The following PPP2R2C variants were observed in gnomAD, a reference collection of about 807,000 sequenced individuals.
The protein encoded by PPP2R2C is protein phosphatase 2, regulatory subunit B, gamma.
Under a neutral mutation model 45.3 loss-of-function variants are expected in PPP2R2C, and 10 were observed. That is an observed-to-expected ratio of 0.22 (90% confidence interval 0.14 to 0.37). The LOEUF (loss-of-function observed/expected upper bound fraction) is 0.37. Ranked by LOEUF, PPP2R2C falls within the 10% of genes least tolerant of loss-of-function variation. The probability of loss-of-function intolerance (pLI) is 1.00; values close to 1 mark genes in which losing one functional copy is unlikely to be tolerated. For synonymous variants in PPP2R2C, 257 were observed against 245.4 expected (o/e 1.05, Z -0.44); for missense variants, 308 against 619.7 (o/e 0.50, Z 5.34).
chr4:6,321,234 CTT>C lies in PPP2R2C; in HGVS notation c.*2066_*2067del, dbSNP rs1047666458. The stretch of plus-strand genomic sequence containing the variant: ...CTAGCTGCAAATACAAGTTTCTTCT[CTT>C]AACATTTGACTCACAAAGGGAGATG... On this transcript the variant is annotated 3_prime_UTR_variant, in exon 9 of 9. Transcript: ENST00000382599. 1.3e-5 allele frequency: 2 copies of C among 152,368 alleles called. No homozygotes were observed. Among genetic ancestry groups the C allele is most frequent in the African/African-American group, 2.4e-5 (1 of 41,462 alleles). 9.4% of individuals were successfully genotyped at this position (152,368 alleles called of 1,614,324 possible). A position where few individuals can be genotyped will look rare whatever the true frequency, so the allele number is the denominator to read the frequency against.
chr4:6,359,031 A>G (rs1713489386), intron 5 of PPP2R2C, among the ~76,000 whole-genome samples: 1 of 152,206 alleles, frequency 6.6e-6, no homozygotes, highest in South Asian at 2.1e-4. Flanking sequence ...TGCTACTATA[A>G]AGACACATGC....
intron 1 of PPP2R2C, among the ~76,000 whole-genome samples, chr4:6,550,413 C>T (rs1263680723): frequency 1.3e-5 from 2 of 152,176 alleles, no homozygotes; most frequent in Admixed American, 6.5e-5. Context: ...GGGAAGGCTA[C>T]GCCCAGCTGC....
chr4:6,390,266 C>A (rs971822412), intron 1 of PPP2R2C, among the ~76,000 whole-genome samples: 1 of 152,118 alleles, frequency 6.6e-6, no homozygotes, highest in African/African-American at 2.4e-5. Flanking sequence ...TTGAGCAAAG[C>A]CACAGGATGC....
intron 2 of PPP2R2C, among the ~76,000 whole-genome samples, chr4:6,502,053 C>T (rs1167440597): frequency 6.6e-6 from 1 of 152,242 alleles, no homozygotes; most frequent in Non-Finnish European, 1.5e-5. Flanking sequence ...CCAAACAGCA[C>T]TAGGAACCAG....
At chr4:6,363,012 G>A (rs925423989) in intron 5 of PPP2R2C, among the ~76,000 whole-genome samples, 2 of 152,098 alleles carry the variant, frequency 1.3e-5, no homozygotes, top group Non-Finnish European at 2.9e-5. Context: ...AGTTAACATC[G>A]GCAGCGTGCT....
chr4:6,386,843 T>C (rs898302398), intron 1 of PPP2R2C, among the ~76,000 whole-genome samples: 4 of 152,052 alleles, frequency 2.6e-5, no homozygotes, highest in African/African-American at 9.7e-5. Context: ...GTAAAGAAAA[T>C]TGGCTCATAC....
chr4:6,340,817 T>C (rs1733384970), intron 6 of PPP2R2C, among the ~76,000 whole-genome samples: 1 of 152,248 alleles, frequency 6.6e-6, no homozygotes, highest in African/African-American at 2.4e-5. Context: ...CCGAAGCTCT[T>C]GCTCTGGCCT....
chr4:6,407,181 G>A (rs1388404501), intron 1 of PPP2R2C, among the ~76,000 whole-genome samples: 8 of 152,172 alleles, frequency 5.3e-5, no homozygotes, highest in African/African-American at 9.7e-5. Flanking sequence ...ACAACCAAAC[G>A]TGTGATAATA....
intron 2 of PPP2R2C, among the ~76,000 whole-genome samples, chr4:6,521,343 C>T (rs1411264972): frequency 6.6e-6 from 1 of 152,252 alleles, no homozygotes; most frequent in African/African-American, 2.4e-5. Context: ...TAGACACGCA[C>T]TCTTTACCAA....
intron 1 of PPP2R2C, among the ~76,000 whole-genome samples, chr4:6,444,308 G>A (rs1481558556): frequency 2.6e-5 from 4 of 152,194 alleles, no homozygotes; most frequent in Non-Finnish European, 4.4e-5. Flanking sequence ...CAGACAGGTA[G>A]GCCTGGTGGA....
At chr4:6,560,192 C>T (rs1725531277) in intron 1 of PPP2R2C, among the ~76,000 whole-genome samples, 1 of 152,218 alleles carries the variant, frequency 6.6e-6, no homozygotes, top group South Asian at 2.1e-4. Flanking sequence ...CATGCAAGAC[C>T]CTCCTGGAGG....
rs1018328235 is a variant in PPP2R2C at position 6,328,071 on chromosome 4, G to A, written c.1052+1191C>T. Among the ~76,000 whole-genome samples the A allele has an allele frequency of 1.3e-5, 2 of 152,068 alleles. No homozygotes were observed. Among genetic ancestry groups the A allele is most frequent in the Non-Finnish European group, 2.9e-5 (2 of 68,014 alleles). Reference sequence around the variant, plus strand: ...CGGCAGCTCTCACATGACCACCACAGTGCCAGCCACCCTCAGAGGTCTGGG... The same window carrying A: ...CGGCAGCTCTCACATGACCACCACAATGCCAGCCACCCTCAGAGGTCTGGG... On this transcript the variant is annotated intron_variant, in intron 8 of 8. Transcript: ENST00000382599. The surrounding 1 kb of genome is among the most constrained non-coding windows in gnomAD (Gnocchi z 4.4).
At chr4:6,370,960 C>G (rs912064584) in intron 5 of PPP2R2C, among the ~76,000 whole-genome samples, 1 of 152,192 alleles carries the variant, frequency 6.6e-6, no homozygotes, top group Non-Finnish European at 1.5e-5. Flanking sequence ...CTGGCCCAAT[C>G]CAGCCTCCCA....
At position 6,429,379 on chromosome 4, in the gene PPP2R2C, C is replaced by T. The variant is rs180990443; in HGVS notation, c.70+42781G>A. Among the ~76,000 whole-genome samples the T allele has an allele frequency of 3.3e-5, 5 of 152,268 alleles. 1 individual carries two copies. The South Asian group carries it at 6.2e-4, about 19-fold the overall frequency. Reference sequence around the variant, plus strand: ...CAATTAACAGTGACTTTCAGGCCCTCGTACCTGGTAGGAAGACAGTAACAA... The same window carrying T: ...CAATTAACAGTGACTTTCAGGCCCTTGTACCTGGTAGGAAGACAGTAACAA... On this transcript the variant is annotated intron_variant, in intron 1 of 8. Coordinates refer to ENST00000382599, the MANE Select transcript of PPP2R2C (RefSeq NM_020416.4).
chr4:6,510,558 G>A (rs1723391732), intron 2 of PPP2R2C, among the ~76,000 whole-genome samples: 1 of 152,098 alleles, frequency 6.6e-6, no homozygotes, highest in South Asian at 2.1e-4. Context: ...GCATGTGCAT[G>A]CACACACAAA....
chr4:6,376,493 C>A (rs1715314651), intron 3 of PPP2R2C, among the ~76,000 whole-genome samples: 1 of 151,748 alleles, frequency 6.6e-6, no homozygotes, highest in African/African-American at 2.4e-5. Flanking sequence ...ACTCACATCA[C>A]CCAGGCTGGA....
chr4:6,512,393 T>C (rs1723648856), intron 2 of PPP2R2C, among the ~76,000 whole-genome samples: 1 of 134,218 alleles, frequency 7.5e-6, no homozygotes, highest in South Asian at 2.6e-4. Flanking sequence ...GTGGTGATGG[T>C]GGTGGTGGTG....
At chr4:6,393,188 A>G (rs1716775129) in intron 1 of PPP2R2C, among the ~76,000 whole-genome samples, 1 of 152,120 alleles carries the variant, frequency 6.6e-6, no homozygotes, top group African/African-American at 2.4e-5. Flanking sequence ...GAAACTCAGA[A>G]CATTCCCACC....
At chr4:6,383,364 C>T in intron 1 of PPP2R2C, 1 of 1,289,748 alleles carries the variant, frequency 7.8e-7, no homozygotes, top group Non-Finnish European at 1.0e-6. Flanking sequence ...CTGTTGTATG[C>T]ACGGGGTCTC....
Sources: allele counts gnomAD v4.1 joint callset (sites outside exome capture counted in the v4.1 genomes callset), GRCh38; gene constraint gnomAD v4.1.1; non-coding constraint Gnocchi (gnomAD v3.1); transcripts MANE v1.5; gene names NCBI Gene and HGNC (gene_info 2026-07-23, HGNC 2026-07-21).